The following CNGA3 variants were observed in gnomAD, a reference collection of about 807,000 sequenced individuals.
CNGA3 encodes the protein cyclic nucleotide gated channel subunit alpha 3.
Under a neutral mutation model 46.6 loss-of-function variants are expected in CNGA3, and 42 were observed. The ratio of observed to expected loss-of-function variants is 0.90; its 90% CI spans 0.70 to 1.17. CNGA3 has a LOEUF of 1.17. CNGA3 is among the 50% of genes most tolerant of loss of function. CNGA3 has a pLI of 0.00. For synonymous variants in CNGA3, 394 were observed against 369.4 expected (o/e 1.07, Z -0.76); for missense variants, 893 against 890.7 (o/e 1.00, Z -0.03).
In CNGA3 at chr2:98,369,937, A is replaced by G. The variant is rs767832037; in HGVS notation, c.-37-2A>G. ...CGTGTCTGCTTTGTGTTCACATTTT[A>G]GCAATCATCTGGGGGGCTAAATGTG... On this transcript the variant is annotated splice_acceptor_variant, in intron 1 of 7. Coordinates refer to ENST00000272602, the MANE Select transcript of CNGA3 (RefSeq NM_001298.3). LOFTEE classifies it low-confidence loss of function (5UTR_SPLICE). 22 of 1,533,696 alleles carry G rather than the reference A, an allele frequency of 1.4e-5. No homozygotes were observed. Among genetic ancestry groups the G allele is most frequent in the Non-Finnish European group, 2.0e-5 (22 of 1,109,768 alleles).
intron 1 of CNGA3, among the ~76,000 whole-genome samples, chr2:98,358,247 T>A (rs1691933233): frequency 6.6e-6 from 1 of 152,262 alleles, no homozygotes; most frequent in African/African-American, 2.4e-5. Context: ...AATAATTGTT[T>A]ATTCGGCCTT....
chr2:98,389,175 C>G (rs1305537659), intron 5 of CNGA3, among the ~76,000 whole-genome samples: 1 of 152,160 alleles, frequency 6.6e-6, no homozygotes, highest in East Asian at 1.9e-4. Flanking sequence ...GGAGGGAATA[C>G]TGTGGGGCTC....
At chr2:98,365,632 T>A (rs1692129614) in intron 1 of CNGA3, among the ~76,000 whole-genome samples, 1 of 152,218 alleles carries the variant, frequency 6.6e-6, no homozygotes, top group Admixed American at 6.5e-5. Flanking sequence ...TCTAATCTTG[T>A]CTGCCTGTCT....
intron 1 of CNGA3, among the ~76,000 whole-genome samples, chr2:98,348,990 G>C (rs959143011): frequency 1.3e-5 from 2 of 152,172 alleles, no homozygotes; most frequent in Admixed American, 6.5e-5. Context: ...CAACTGGCCA[G>C]CAAGAGAGGA....
rs189868723 is a variant in CNGA3 at position 98,364,567 on chromosome 2, G to T, written c.-37-5372G>T. 1.2e-4 allele frequency among the ~76,000 whole-genome samples: 19 copies of T among 152,130 alleles called. No homozygotes were observed. In the East Asian group the frequency reaches 2.9e-3, roughly 23 times the overall value. ...CACTGATGGGTCTTGACTCCTTATC[G>T]AGCTTGCCATTCTGTGTCTTTTAAT... On this transcript the variant is annotated intron_variant, in intron 1 of 7. Coordinates refer to ENST00000272602, the MANE Select transcript of CNGA3 (RefSeq NM_001298.3).
chr2:98,365,960 T>C (rs976517035), intron 1 of CNGA3, among the ~76,000 whole-genome samples: 1 of 152,180 alleles, frequency 6.6e-6, no homozygotes, highest in African/African-American at 2.4e-5. Context: ...GTTGTGATCA[T>C]TTGGAGGAGA....
chr2:98,380,010 C>A, intron 3 of CNGA3, 165 bp from the exon 4 acceptor site: 2 of 776,056 alleles, frequency 2.6e-6, no homozygotes, highest in Non-Finnish European at 4.3e-6. Context: ...CAAACTTAGA[C>A]CACAGGGCCC....
chr2:98,356,803 C>G (rs765103538), intron 1 of CNGA3, among the ~76,000 whole-genome samples: 1 of 152,170 alleles, frequency 6.6e-6, no homozygotes, highest in Non-Finnish European at 1.5e-5. Context: ...GGTTTTCTTT[C>G]GGAAGCACGT....
chr2:98,390,951 A>G (rs553147344), intron 6 of CNGA3, among the ~76,000 whole-genome samples: 2 of 152,254 alleles, frequency 1.3e-5, no homozygotes, highest in South Asian at 4.1e-4. Flanking sequence ...GGCTCTCCGG[A>G]GCCAGTATGC....
At chr2:98,355,869 G>A (rs544965350) in intron 1 of CNGA3, 3 of 152,340 alleles carry the variant, frequency 2.0e-5, no homozygotes, top group Admixed American at 2.0e-4. Context: ...TCTCAGGCCA[G>A]TGCCCTTAAC....
At chr2:98,391,231 C>T (rs567413359) in intron 6 of CNGA3, among the ~76,000 whole-genome samples, 2 of 152,258 alleles carry the variant, frequency 1.3e-5, no homozygotes, top group Admixed American at 6.5e-5. Flanking sequence ...CCTGTCCCAG[C>T]GAGCAGACAG....
chr2:98,367,167 G>GTTTATTTTCTT lies in CNGA3; in HGVS notation c.-37-2769_-37-2768insATTTTCTTTTT, dbSNP rs751611132. Among the ~76,000 whole-genome samples the GTTTATTTTCTT allele has an allele frequency of 5.3e-3, 538 of 101,566 alleles. 53 individuals carry two copies. Among genetic ancestry groups the GTTTATTTTCTT allele is most frequent in the African/African-American group, 0.014 (414 of 29,900 alleles). The allele number at this position is 101,566 out of a possible 152,430, so 66.6% of individuals were successfully genotyped here. A position where few individuals can be genotyped will look rare whatever the true frequency, so the allele number is the denominator to read the frequency against. ...TTGGTGAGAACCTCTGACATCAGCT[G>GTTTATTTTCTT]TTTTTTTTCTTTTTTTTCTTTTTTT... On this transcript the variant is annotated intron_variant, in intron 1 of 7. Transcript: ENST00000272602.
At chr2:98,380,595 G>C (rs1012665111) in intron 4 of CNGA3, among the ~76,000 whole-genome samples, 6 of 152,104 alleles carry the variant, frequency 3.9e-5, no homozygotes, top group African/African-American at 1.4e-4. Context: ...AGCCTCATTT[G>C]ACCACTCACC....
At chr2:98,361,704 CTTTTTTTTTTT>C (rs1230449113) in intron 1 of CNGA3, among the ~76,000 whole-genome samples, 4 of 108,912 alleles carry the variant, frequency 3.7e-5, no homozygotes, top group Admixed American at 1.0e-4. Context: ...CTTTTCTTGA[CTTTTTTTTTTT>C]TTTTTTTTTT....
At chr2:98,370,109 T>G in intron 2 of CNGA3, 33 bp downstream of exon 2, 1 of 1,515,752 alleles carries the variant, frequency 6.6e-7, no homozygotes, top group Non-Finnish European at 9.1e-7. Context: ...TTTCATTTTA[T>G]GCCTGGCTCT....
chr2:98,372,841 G>T (rs10865016), intron 2 of CNGA3, among the ~76,000 whole-genome samples: 3 of 151,866 alleles, frequency 2.0e-5, no homozygotes, highest in African/African-American at 7.3e-5. Flanking sequence ...CGCATTTCCT[G>T]CCTGTGTCCA....
intron 1 of CNGA3, among the ~76,000 whole-genome samples, chr2:98,359,631 G>A (rs1045793404): frequency 6.6e-6 from 1 of 152,166 alleles, no homozygotes; most frequent in African/African-American, 2.4e-5. Context: ...GCTGATCTCT[G>A]GTTCCCTGCC....
chr2:98,360,698 G>A (rs1374256509), intron 1 of CNGA3, among the ~76,000 whole-genome samples: 3 of 152,056 alleles, frequency 2.0e-5, no homozygotes, highest in Non-Finnish European at 2.9e-5. Context: ...TAATGAGGCC[G>A]GGGGGAGGTG....
intron 1 of CNGA3, among the ~76,000 whole-genome samples, chr2:98,364,010 C>A (rs1006916052): frequency 2.0e-5 from 3 of 152,094 alleles, no homozygotes; most frequent in African/African-American, 7.2e-5. Context: ...AAATAGTTAG[C>A]TCTTTATGTT....
Sources: allele counts gnomAD v4.1 joint callset (sites outside exome capture counted in the v4.1 genomes callset), GRCh38; gene constraint gnomAD v4.1.1; transcripts MANE v1.5; gene names NCBI Gene and HGNC (gene_info 2026-07-23, HGNC 2026-07-21).